PWWP2B: variants seen among roughly 807,000 people sequenced by gnomAD.
PWWP2B encodes PWWP domain containing 2B, also known as PWWP domain-containing protein 2B.
PWWP2B carries 9 observed loss-of-function variants against 15.5 expected under a neutral mutation model. The observed-to-expected ratio is 0.58, with a 90% CI of 0.35 to 1.02. The LOEUF is 1.02. Among genes scored for constraint, PWWP2B ranks in the 50% least tolerant of loss-of-function variants. PWWP2B has a pLI of 0.02. For missense variants in PWWP2B, 864 were observed against 865.3 expected, an observed-to-expected ratio of 1.00 and a Z score of 0.02; for synonymous variants, 474 against 403.6, an observed-to-expected ratio of 1.17 and a Z score of -2.09.
rs780401659 is a variant in PWWP2B, at chr10:132,405,096, G to T, written c.596G>T (p.Arg199Met). 7 of 1,534,498 alleles carry T rather than the reference G, an allele frequency of 4.6e-6. No individual in the cohort carries two copies. The highest frequency in any genetic ancestry group is 6.1e-6 in the Non-Finnish European group (7 of 1,140,932). The change falls in exon 2 of 3, where the codon AGG becomes ATG. Residue 199 changes from arginine (R) to methionine (M), a missense_variant. Arg to Met is a moderately conservative substitution (Grantham distance 91, BLOSUM62 -1). This residue lies in a region of PWWP2B where 736 missense variants were observed against 687.7 expected (regional missense o/e 1.07). Coordinates refer to ENST00000305233, the MANE Select transcript of PWWP2B (RefSeq NM_138499.4). Reference protein sequence around the residue: ...EASPGPPAAPRARRRLGSGPD... With the variant: ...EASPGPPAAPMARRRLGSGPD... ...AGCCCCGGACCCCCAGCCGCGCCCA[G>T]GGCCCGCAGGAGGCTGGGCAGCGGC...
At chr10:132,407,301 C>A (rs989519304) in intron 2 of PWWP2B, among the ~76,000 whole-genome samples, 2 of 152,202 alleles carry the variant, frequency 1.3e-5, no homozygotes, top group Admixed American at 1.3e-4. Context: ...CTGTGCTCTT[C>A]TTCCTGGCTC....
chr10:132,417,757 A>G lies in PWWP2B; in HGVS notation c.*713A>G, dbSNP rs1275579106. ...GGCCCCTGGGAAACCGGGCTTCAACAGTACAAGGAAAAGAAACTTGCTCTG... is the reference window on the plus strand; with the variant it reads ...GGCCCCTGGGAAACCGGGCTTCAACGGTACAAGGAAAAGAAACTTGCTCTG... On this transcript the variant is annotated 3_prime_UTR_variant, in exon 3 of 3. Transcript: ENST00000305233. The G allele has an allele frequency of 1.3e-5, 2 of 152,306 alleles. No individual in the cohort carries two copies. Among genetic ancestry groups the G allele is most frequent in the African/African-American group, 4.8e-5 (2 of 41,468 alleles). 9.4% of individuals were successfully genotyped at this position (152,306 alleles called of 1,614,324 possible). A position where few individuals can be genotyped will look rare whatever the true frequency, so the allele number is the denominator to read the frequency against.
chr10:132,397,371 G>C lies in PWWP2B; in HGVS notation c.125+20G>C. 4 of 1,271,756 alleles carry C rather than the reference G, an allele frequency of 3.1e-6. No homozygotes were observed. The highest frequency in any genetic ancestry group is 4.0e-6 in the Non-Finnish European group (4 of 998,074). 78.8% of individuals were successfully genotyped at this position (1,271,756 alleles called of 1,614,324 possible). Reference sequence around the variant, plus strand: ...GAAAAAGTGAGCGGGGGCGCGGGCCGGGACACCCCCGGGGTCCCCACGCGA... The same window carrying C: ...GAAAAAGTGAGCGGGGGCGCGGGCCCGGACACCCCCGGGGTCCCCACGCGA... On this transcript the variant is annotated intron_variant, in intron 1 of 2. Coordinates refer to ENST00000305233, the MANE Select transcript of PWWP2B (RefSeq NM_138499.4).
chr10:132,403,158 C>T (rs1327995107), intron 1 of PWWP2B, among the ~76,000 whole-genome samples: 3 of 152,222 alleles, frequency 2.0e-5, no homozygotes, highest in African/African-American at 4.8e-5. Context: ...GGCCCCACAG[C>T]GGTGCCTGGC....
intron 1 of PWWP2B, among the ~76,000 whole-genome samples, chr10:132,398,562 G>A (rs897923150): frequency 3.3e-5 from 5 of 152,238 alleles, no homozygotes; most frequent in Non-Finnish European, 4.4e-5. Context: ...AGAGGGGCAC[G>A]AGCGGCAGTG....
Position 132,405,216 on chromosome 10 carries a change from A to AG in PWWP2B, c.718dup (p.Asp240GlyfsTer93). 1 of 1,596,130 alleles carries AG rather than the reference A, an allele frequency of 6.3e-7. No individual in the cohort carries two copies. The highest frequency in any genetic ancestry group is 8.5e-7 in the Non-Finnish European group (1 of 1,172,620). ...AGGAGCAAGAGGGAGAGGCGCGAGG[A>AG]GGACAGGGCCCCGGCAGAGCAGGTC... On this transcript the variant is annotated frameshift_variant, in exon 2 of 3. Coordinates refer to ENST00000305233, the MANE Select transcript of PWWP2B (RefSeq NM_138499.4). LOFTEE classifies it high-confidence loss of function.
rs1055476781 is a variant in PWWP2B at position 132,417,433 on chromosome 10, C to T, written c.*389C>T. The T allele has an allele frequency of 8.0e-5, 27 of 336,706 alleles. No individual in the cohort carries two copies. Among genetic ancestry groups the T allele is most frequent in the South Asian group, 4.3e-4 (10 of 23,406 alleles). 20.9% of individuals were successfully genotyped at this position (336,706 alleles called of 1,614,324 possible). On this transcript the variant is annotated 3_prime_UTR_variant, in exon 3 of 3. Coordinates refer to ENST00000305233, the MANE Select transcript of PWWP2B (RefSeq NM_138499.4). ...GGTCCCATGGAGGAACCAGGCCTGG[C>T]GCCCCGGCCTCGCCCAGCGGCTGGT...
intron 2 of PWWP2B, among the ~76,000 whole-genome samples, chr10:132,413,232 T>G (rs886594568): frequency 6.6e-6 from 1 of 152,282 alleles, no homozygotes; most frequent in African/African-American, 2.4e-5. Flanking sequence ...GGTTAATATA[T>G]CTATATCAAC....
At chr10:132,399,370 C>T (rs1215424838) in intron 1 of PWWP2B, among the ~76,000 whole-genome samples, 3 of 152,258 alleles carry the variant, frequency 2.0e-5, no homozygotes, top group African/African-American at 4.8e-5. Flanking sequence ...CAGCCAGGCA[C>T]CTGTTCAGAG....
At chr10:132,403,429 T>G (rs1472411006) in intron 1 of PWWP2B, among the ~76,000 whole-genome samples, 1 of 152,266 alleles carries the variant, frequency 6.6e-6, no homozygotes, top group African/African-American at 2.4e-5. Context: ...GTGGATTCTG[T>G]GGACCCGTTT....
At chr10:132,398,905 T>C (rs116964336) in intron 1 of PWWP2B, among the ~76,000 whole-genome samples, 1 of 152,210 alleles carries the variant, frequency 6.6e-6, no homozygotes, top group East Asian at 1.9e-4. Flanking sequence ...AATCTGAAGG[T>C]AGAGCAGGCT....
intron 2 of PWWP2B, among the ~76,000 whole-genome samples, chr10:132,414,088 GGA>G (rs2069814930): frequency 6.6e-6 from 1 of 152,240 alleles, no homozygotes; most frequent in Admixed American, 6.5e-5. Context: ...TAGAAAGGTA[GGA>G]GAGACGTGAG....
chr10:132,404,152 G>A (rs1427641366), intron 1 of PWWP2B, among the ~76,000 whole-genome samples: 3 of 152,108 alleles, frequency 2.0e-5, no homozygotes, highest in African/African-American at 7.3e-5. Context: ...TGGCCCTAGG[G>A]GTTGTCTTCC....
At chr10:132,410,795 C>G (rs1436154039) in intron 2 of PWWP2B, among the ~76,000 whole-genome samples, 1 of 152,202 alleles carries the variant, frequency 6.6e-6, no homozygotes, top group Non-Finnish European at 1.5e-5. Flanking sequence ...GGGCACCTCC[C>G]TGAAGTGGGG....
intron 2 of PWWP2B, among the ~76,000 whole-genome samples, chr10:132,413,857 G>A (rs2069812090): frequency 6.6e-6 from 1 of 152,242 alleles, no homozygotes; most frequent in Non-Finnish European, 1.5e-5. Context: ...TGGAGAAGGT[G>A]TGGCCCAGGC....
intron 2 of PWWP2B, among the ~76,000 whole-genome samples, chr10:132,415,393 T>C (rs1159051012): frequency 6.9e-6 from 1 of 145,182 alleles, no homozygotes; most frequent in Non-Finnish European, 1.5e-5. Context: ...ACTCATTTAC[T>C]CACACACATC....
chr10:132,411,003 A>C (rs1429082886), intron 2 of PWWP2B, among the ~76,000 whole-genome samples: 8 of 152,152 alleles, frequency 5.3e-5, no homozygotes, highest in Non-Finnish European at 8.8e-5. Context: ...TTTCTGCGCC[A>C]CTGGACGGTC....
chr10:132,415,971 C>G (rs1271793644), intron 2 of PWWP2B, among the ~76,000 whole-genome samples: 1 of 152,268 alleles, frequency 6.6e-6, no homozygotes, highest in Non-Finnish European at 1.5e-5. Context: ...CACCCTCACA[C>G]TCTCACACGG....
intron 1 of PWWP2B, among the ~76,000 whole-genome samples, chr10:132,399,486 C>T (rs1319731735): frequency 2.0e-5 from 3 of 152,270 alleles, no homozygotes; most frequent in Admixed American, 6.5e-5. Context: ...AGATGGCATT[C>T]TCTCCCTTGC....
Sources: allele counts gnomAD v4.1 joint callset (sites outside exome capture counted in the v4.1 genomes callset), GRCh38; gene constraint gnomAD v4.1.1; regional missense constraint gnomAD v4.1.1; transcripts MANE v1.5; gene names NCBI Gene and HGNC (gene_info 2026-07-23, HGNC 2026-07-21).